The following MLEC variants were observed in gnomAD, a reference collection of about 807,000 sequenced individuals.
The protein encoded by MLEC is malectin.
A neutral mutation model predicts 28.7 loss-of-function variants in MLEC; 7 were observed. The observed-to-expected ratio is 0.24, with a 90% CI of 0.14 to 0.46. The LOEUF is 0.46. Among genes scored for constraint, MLEC ranks in the 20% least tolerant of loss-of-function variants. The pLI is 0.99. For missense variants in MLEC, 237 were observed against 391.1 expected, an observed-to-expected ratio of 0.61 and a Z score of 3.32; for synonymous variants, 142 against 164.4, an observed-to-expected ratio of 0.86 and a Z score of 1.04.
At chr12:120,692,821 C>G (rs1882089278) in intron 1 of MLEC, among the ~76,000 whole-genome samples, 1 of 151,646 alleles carries the variant, frequency 6.6e-6, no homozygotes, top group African/African-American at 2.4e-5. Flanking sequence ...ATTTATGGAG[C>G]ACTGGAAAGC....
In MLEC at chr12:120,699,983, GC is replaced by G. The variant is rs1882387734; in HGVS notation, c.*3440del. ...TCTCTTCCTTCTTCTCCTGCCTCTAGCCTCTCCTGGAAAGGCCTGGATATGG... is the reference window on the plus strand; with the variant it reads ...TCTCTTCCTTCTTCTCCTGCCTCTAGCTCTCCTGGAAAGGCCTGGATATGG... On this transcript the variant is annotated 3_prime_UTR_variant, in exon 5 of 5. Coordinates refer to ENST00000228506, the MANE Select transcript of MLEC (RefSeq NM_014730.4). The G allele has an allele frequency of 6.6e-6, 1 of 152,578 alleles. No individual in the cohort carries two copies. Among genetic ancestry groups the G allele is most frequent in the Non-Finnish European group, 1.5e-5 (1 of 68,050 alleles). The allele number at this position is 152,578 out of a possible 1,614,324, so 9.5% of individuals were successfully genotyped here. A position where few individuals can be genotyped will look rare whatever the true frequency, so the allele number is the denominator to read the frequency against.
Position 120,687,397 on chromosome 12 carries a change from C to T in MLEC, c.101C>T (p.Ala34Val), listed in dbSNP as rs767262069. Residue 34 changes from alanine (A) to valine (V), a missense_variant, in exon 1 of 5, where the codon GCC (alanine) becomes GTC (valine). Ala to Val is a moderately conservative substitution (Grantham distance 64). Transcript: ENST00000228506. This position sits in a 1 kb window ranked among gnomAD's most constrained non-coding sequence, Gnocchi z 8.1. The stretch of plus-strand genomic sequence containing the variant: ...ATCCGGGGACCCGGGCTCGGCGTGG[C>T]CGGCGTGGCCGGCGCGGCGGGGGCC... ...PAIRGPGLGVAGVAGAAGAGL... is the reference protein window; with the variant it reads ...PAIRGPGLGVVGVAGAAGAGL... 4 of 1,373,962 alleles carry T rather than the reference C, an allele frequency of 2.9e-6. No individual in the cohort carries two copies. Among genetic ancestry groups the T allele is most frequent in the Non-Finnish European group, 2.8e-6 (3 of 1,066,748 alleles). 85.1% of individuals were successfully genotyped at this position (1,373,962 alleles called of 1,614,324 possible). A position where few individuals can be genotyped will look rare whatever the true frequency, so the allele number is the denominator to read the frequency against.
chr12:120,689,054 C>A (rs1257587131), intron 1 of MLEC, among the ~76,000 whole-genome samples: 1 of 152,222 alleles, frequency 6.6e-6, no homozygotes, highest in Non-Finnish European at 1.5e-5. Flanking sequence ...CGGATGGTTT[C>A]TTTCACTTAG....
intron 1 of MLEC, among the ~76,000 whole-genome samples, chr12:120,692,867 T>G (rs1882091404): frequency 1.3e-5 from 2 of 152,098 alleles, no homozygotes; most frequent in Admixed American, 1.3e-4. Context: ...GTCAGGCTAC[T>G]CTCTGGAGGA....
intron 1 of MLEC, among the ~76,000 whole-genome samples, chr12:120,691,484 A>C (rs897168295): frequency 6.6e-6 from 1 of 152,246 alleles, no homozygotes; most frequent in Non-Finnish European, 1.5e-5. Flanking sequence ...ATTGTCTAAA[A>C]CTAAGAAAGA....
chr12:120,700,669 G>A lies in MLEC; in HGVS notation c.*4124G>A, dbSNP rs1198537408. ...AAGAAAATTGCAAAGAAGCCTTAATGTTCAAGCTTTAGAAAGATCAGAGCA... is the reference window on the plus strand; with the variant it reads ...AAGAAAATTGCAAAGAAGCCTTAATATTCAAGCTTTAGAAAGATCAGAGCA... On this transcript the variant is annotated 3_prime_UTR_variant, in exon 5 of 5. Coordinates refer to ENST00000228506, the MANE Select transcript of MLEC (RefSeq NM_014730.4). The surrounding 1 kb of genome is among the most constrained non-coding windows in gnomAD (Gnocchi z 4.0). The A allele has an allele frequency of 1.3e-5, 2 of 152,204 alleles. No individual in the cohort carries two copies. Among genetic ancestry groups the A allele is most frequent in the Non-Finnish European group, 2.9e-5 (2 of 68,042 alleles). 9.4% of individuals were successfully genotyped at this position (152,204 alleles called of 1,614,324 possible).
Position 120,696,653 on chromosome 12 carries a change from A to T in MLEC, c.*108A>T. 6.8e-7 allele frequency: 1 copy of T among 1,478,152 alleles called. No individual in the cohort carries two copies. Among genetic ancestry groups the T allele is most frequent in the South Asian group, 1.3e-5 (1 of 76,190 alleles). The allele number at this position is 1,478,152 out of a possible 1,614,324, so 91.6% of individuals were successfully genotyped here. A position where few individuals can be genotyped will look rare whatever the true frequency, so the allele number is the denominator to read the frequency against. On this transcript the variant is annotated 3_prime_UTR_variant, in exon 5 of 5. Coordinates refer to ENST00000228506, the MANE Select transcript of MLEC (RefSeq NM_014730.4). This position sits in a 1 kb window ranked among gnomAD's most constrained non-coding sequence, Gnocchi z 5.4. Reference sequence around the variant, plus strand: ...ATGATTAATGAACAAAAACAAAGAGAAAAAAACACACATCAATTAAAGGAG... The same window carrying T: ...ATGATTAATGAACAAAAACAAAGAGTAAAAAACACACATCAATTAAAGGAG...
chr12:120,688,558 G>A (rs1881913687), intron 1 of MLEC, among the ~76,000 whole-genome samples: 1 of 152,208 alleles, frequency 6.6e-6, no homozygotes, highest in South Asian at 2.1e-4. Flanking sequence ...ACTGTATGCT[G>A]GGTTCAGAGG....
rs747562088 is a variant in MLEC, at chr12:120,696,747, T to G, written c.*202T>G. 23 of 694,556 alleles carry G rather than the reference T, an allele frequency of 3.3e-5. No homozygotes were observed. Among genetic ancestry groups the G allele is most frequent in the Non-Finnish European group, 5.1e-5 (22 of 428,630 alleles). 43.0% of individuals were successfully genotyped at this position (694,556 alleles called of 1,614,324 possible). Reference sequence around the variant, plus strand: ...CCTGGTCCCAGACGTGCTTCAGTCCTCGTCCTCTCTTTGTGGCTGGCTCCC... The same window carrying G: ...CCTGGTCCCAGACGTGCTTCAGTCCGCGTCCTCTCTTTGTGGCTGGCTCCC... On this transcript the variant is annotated 3_prime_UTR_variant, in exon 5 of 5. Coordinates refer to ENST00000228506, the MANE Select transcript of MLEC (RefSeq NM_014730.4). This position sits in a 1 kb window ranked among gnomAD's most constrained non-coding sequence, Gnocchi z 5.4.
Position 120,687,898 on chromosome 12 carries a change from T to A in MLEC, c.235+367T>A, listed in dbSNP as rs1881890151. On this transcript the variant is annotated intron_variant, in intron 1 of 4. Coordinates refer to ENST00000228506, the MANE Select transcript of MLEC (RefSeq NM_014730.4). The surrounding 1 kb of genome is among the most constrained non-coding windows in gnomAD (Gnocchi z 8.1). Reference sequence around the variant, plus strand: ...CTGCTTCTCCTGTCGAGACAGTTCTTGGGAGATTCTCGTCGACCCAGGAAT... The same window carrying A: ...CTGCTTCTCCTGTCGAGACAGTTCTAGGGAGATTCTCGTCGACCCAGGAAT... Among the ~76,000 whole-genome samples the A allele has an allele frequency of 6.6e-6, 1 of 152,158 alleles. No homozygotes were observed. Among genetic ancestry groups the A allele is most frequent in the African/African-American group, 2.4e-5 (1 of 41,440 alleles).
At chr12:120,690,848 T>C (rs867554571) in intron 1 of MLEC, among the ~76,000 whole-genome samples, 1 of 152,230 alleles carries the variant, frequency 6.6e-6, no homozygotes, top group African/African-American at 2.4e-5. Context: ...TAGAATTCTC[T>C]ACCTCTACTG....
rs147705818 is a variant in MLEC at position 120,695,361 on chromosome 12, T to G, written c.649+209T>G. Among the ~76,000 whole-genome samples, 186 of 152,392 alleles carry G rather than the reference T, an allele frequency of 1.2e-3. 1 individual carries two copies. Among genetic ancestry groups the G allele is most frequent in the African/African-American group, 4.4e-3 (184 of 41,596 alleles). On this transcript the variant is annotated intron_variant, in intron 4 of 4. Coordinates refer to ENST00000228506, the MANE Select transcript of MLEC (RefSeq NM_014730.4). ...CTATGTATATCTTGTTGCTGCCATT[T>G]AATCAGATGTTTGTCTTGGATGGAT... is the stretch of plus-strand genomic sequence containing the variant.
In MLEC at chr12:120,687,493, A is replaced by C; in HGVS notation, c.197A>C (p.His66Pro). The change falls in exon 1 of 5, where the codon CAC becomes CCC. Residue 66 changes from histidine (H) to proline (P), a missense_variant. Transcript: ENST00000228506. The surrounding 1 kb of genome is among the most constrained non-coding windows in gnomAD (Gnocchi z 8.1). ...GCGCATGTGGACGTGCACGGGATCC[A>C]CTTCCGCAAGGACCCTTTGGAAGGC... ...GEAHVDVHGIHFRKDPLEGRV... is the reference protein window; with the variant it reads ...GEAHVDVHGIPFRKDPLEGRV... The C allele has an allele frequency of 6.9e-7, 1 of 1,456,980 alleles. No homozygotes were observed. The highest frequency in any genetic ancestry group is 2.7e-5 in the East Asian group (1 of 36,614). The allele number at this position is 1,456,980 out of a possible 1,614,324, so 90.3% of individuals were successfully genotyped here.
chr12:120,687,677 C>T lies in MLEC; in HGVS notation c.235+146C>T. On this transcript the variant is annotated intron_variant, in intron 1 of 4. Transcript: ENST00000228506. This position sits in a 1 kb window ranked among gnomAD's most constrained non-coding sequence, Gnocchi z 8.1. ...TCTCTGCAGCTTCTTCGGGGGCCCGCTCTGAGCTCAGGGCCTGGCACTGGC... is the reference window on the plus strand; with the variant it reads ...TCTCTGCAGCTTCTTCGGGGGCCCGTTCTGAGCTCAGGGCCTGGCACTGGC... The T allele has an allele frequency of 1.8e-6, 1 of 545,454 alleles. No individual in the cohort carries two copies. Among genetic ancestry groups the T allele is most frequent in the Non-Finnish European group, 3.0e-6 (1 of 337,016 alleles). 33.8% of individuals were successfully genotyped at this position (545,454 alleles called of 1,614,324 possible). A position where few individuals can be genotyped will look rare whatever the true frequency, so the allele number is the denominator to read the frequency against.
chr12:120,695,938 C>T lies in MLEC; in HGVS notation c.650-378C>T, dbSNP rs374934814. Among the ~76,000 whole-genome samples, 435 of 152,234 alleles carry T rather than the reference C, an allele frequency of 2.9e-3. 4 individuals carry two copies. The highest frequency in any genetic ancestry group is 9.5e-3 in the African/African-American group (395 of 41,532). On this transcript the variant is annotated intron_variant, in intron 4 of 4. Transcript: ENST00000228506. ...GGGAACCCAGAACTCTCTGGGTCAA[C>T]GTTTCTTCAGTTGTTGTGTGAATCA...
rs73225031 is a variant in MLEC at position 120,699,526 on chromosome 12, T to C, written c.*2981T>C. On this transcript the variant is annotated 3_prime_UTR_variant, in exon 5 of 5. Coordinates refer to ENST00000228506, the MANE Select transcript of MLEC (RefSeq NM_014730.4). ...AGGTCAGGGGCCTGTTGGTCTCTCA[T>C]TGGACGTTTTTGGGTCTCACTCATG... 15,911 of 152,268 alleles carry C rather than the reference T, an allele frequency of 0.1. 900 individuals are homozygous for C. Among genetic ancestry groups the C allele is most frequent in the South Asian group, 0.18 (863 of 4,824 alleles). The allele number at this position is 152,268 out of a possible 1,614,324, so 9.4% of individuals were successfully genotyped here. A position where few individuals can be genotyped will look rare whatever the true frequency, so the allele number is the denominator to read the frequency against.
chr12:120,689,249 C>T (rs1881946116), intron 1 of MLEC, among the ~76,000 whole-genome samples: 1 of 151,570 alleles, frequency 6.6e-6, no homozygotes, highest in East Asian at 1.9e-4. Flanking sequence ...TTGGCTTGGT[C>T]AGCAGTCAGC....
Position 120,687,606 on chromosome 12 carries a change from C to G in MLEC, c.235+75C>G, listed in dbSNP as rs2137410442. On this transcript the variant is annotated intron_variant, in intron 1 of 4. Transcript: ENST00000228506. The surrounding 1 kb of genome is among the most constrained non-coding windows in gnomAD (Gnocchi z 8.1). Reference sequence around the variant, plus strand: ...CGCAGCCGGCCGGGGGCTGCGGGCCCCGAGCCCCTTTCGACCCTGGGGCCG... The same window carrying G: ...CGCAGCCGGCCGGGGGCTGCGGGCCGCGAGCCCCTTTCGACCCTGGGGCCG... 8.1e-7 allele frequency: 1 copy of G among 1,237,990 alleles called. No individual in the cohort carries two copies. Among genetic ancestry groups the G allele is most frequent in the Non-Finnish European group, 1.1e-6 (1 of 930,458 alleles). 76.7% of individuals were successfully genotyped at this position (1,237,990 alleles called of 1,614,324 possible).
intron 1 of MLEC, among the ~76,000 whole-genome samples, chr12:120,692,302 T>G (rs1301634556): frequency 6.6e-6 from 1 of 152,212 alleles, no homozygotes; most frequent in East Asian, 1.9e-4. Flanking sequence ...TAGAGCTCAG[T>G]TGGAAGAGAA....
Sources: gnomAD v4.1 joint callset for allele counts (sites outside exome capture counted in the v4.1 genomes callset) on GRCh38, gnomAD v4.1.1 for gene constraint, Gnocchi (gnomAD v3.1) non-coding constraint, MANE v1.5 for transcripts, NCBI Gene and HGNC (gene_info 2026-07-23, HGNC 2026-07-21) for gene names.